The following DNAL1 variants were observed in gnomAD, a reference collection of about 807,000 sequenced individuals.
DNAL1 encodes chromosome 14 open reading frame 168.
A neutral mutation model predicts 29.4 loss-of-function variants in DNAL1; 17 were observed. The observed-to-expected ratio is 0.58, with a 90% confidence interval of 0.40 to 0.87. The LOEUF (loss-of-function observed/expected upper bound fraction) is 0.87, where lower values mean the gene tolerates loss of function less well. Among genes scored for constraint, DNAL1 ranks in the 40% least tolerant of loss-of-function variants. The pLI is 0.00. For synonymous variants in DNAL1, 78 were observed against 76.3 expected, an observed-to-expected ratio of 1.02 and a Z score of -0.12; for missense variants, 188 against 214.1, an observed-to-expected ratio of 0.88 and a Z score of 0.76.
In DNAL1 at chr14:73,658,863, A is replaced by G. The variant is rs772287450; in HGVS notation, c.59A>G (p.Gln20Arg). 5 of 1,604,518 alleles carry G rather than the reference A, an allele frequency of 3.1e-6. No individual in the cohort carries two copies. Among genetic ancestry groups the G allele is most frequent in the Admixed American group, 1.7e-5 (1 of 59,018 alleles). Residue 20 changes from glutamine (Q) to arginine (R), a missense_variant, in exon 3 of 8, where the codon CAG becomes CGG. Coordinates refer to ENST00000553645, the MANE Select transcript of DNAL1 (RefSeq NM_031427.4). Reference sequence around the variant, plus strand: ...TTCTCATAGGAAGAGAAAACTGGCCAGAGGCCATCTGAAGCCAAAGAGATA... The same window carrying G: ...TTCTCATAGGAAGAGAAAACTGGCCGGAGGCCATCTGAAGCCAAAGAGATA... ...ALARWEEKTG[Q>R]RPSEAKEIKL...
chr14:73,659,161 ATTTTT>A (rs10547955), intron 3 of DNAL1, among the ~76,000 whole-genome samples: 4 of 140,842 alleles, frequency 2.8e-5, no homozygotes, highest in Non-Finnish European at 6.1e-5. Context: ...GTATAGTACA[ATTTTT>A]TTTTTTTTTT....
At chr14:73,669,984 TACAC>T (rs35574600) in intron 4 of DNAL1, among the ~76,000 whole-genome samples, 2 of 150,834 alleles carry the variant, frequency 1.3e-5, no homozygotes, top group Admixed American at 6.6e-5. Flanking sequence ...CACACACACA[TACAC>T]ACACACACAC....
chr14:73,701,150 C>G lies in DNAL1; in HGVS notation c.*5208C>G, dbSNP rs1892427395. On this transcript the variant is annotated 3_prime_UTR_variant, in exon 8 of 8. Coordinates refer to ENST00000553645, the MANE Select transcript of DNAL1 (RefSeq NM_031427.4). Reference sequence around the variant, plus strand: ...TCATTAACTGGATTCTAGTTAATTTCCCATATTGGGCAGTTTAGAGGAGAC... The same window carrying G: ...TCATTAACTGGATTCTAGTTAATTTGCCATATTGGGCAGTTTAGAGGAGAC... 6.6e-6 allele frequency: 1 copy of G among 152,266 alleles called. No homozygotes were observed. The highest frequency in any genetic ancestry group is 6.5e-5 in the Admixed American group (1 of 15,298). 9.4% of individuals were successfully genotyped at this position (152,266 alleles called of 1,614,324 possible).
At chr14:73,647,487 TTAA>T (rs1395415158) in intron 1 of DNAL1, among the ~76,000 whole-genome samples, 2 of 152,228 alleles carry the variant, frequency 1.3e-5, no homozygotes, top group Non-Finnish European at 2.9e-5. Context: ...CTTTTCTTAC[TTAA>T]TGATACATAA....
intron 1 of DNAL1, among the ~76,000 whole-genome samples, chr14:73,651,935 G>T (rs1396060321): frequency 1.3e-5 from 2 of 152,144 alleles, no homozygotes; most frequent in Non-Finnish European, 2.9e-5. Context: ...AGGATTACAG[G>T]CGTGAGCCAC....
At chr14:73,660,149 C>CAA (rs1891311438) in intron 3 of DNAL1, among the ~76,000 whole-genome samples, 5 of 152,018 alleles carry the variant, frequency 3.3e-5, no homozygotes, top group African/African-American at 1.2e-4. Flanking sequence ...AGGCTGGTCT[C>CAA]GAACTCCTGA....
chr14:73,690,790 T>C (rs1389872735), intron 7 of DNAL1, among the ~76,000 whole-genome samples: 3 of 152,094 alleles, frequency 2.0e-5, no homozygotes, highest in African/African-American at 4.8e-5. Context: ...TAAAGAAAGT[T>C]AGGCTTATTC....
rs886336873 is a variant in DNAL1 at position 73,699,290 on chromosome 14, G to C, written c.*3348G>C. The C allele has an allele frequency of 6.6e-6, 1 of 151,622 alleles. No homozygotes were observed. The highest frequency in any genetic ancestry group is 2.4e-5 in the African/African-American group (1 of 41,156). 9.4% of individuals were successfully genotyped at this position (151,622 alleles called of 1,614,324 possible). A position where few individuals can be genotyped will look rare whatever the true frequency, so the allele number is the denominator to read the frequency against. ...CATGGATGGAAAGAAATGGTCACTG[G>C]TATTTTTTGTAATGCTCATTTTTTT... On this transcript the variant is annotated 3_prime_UTR_variant, in exon 8 of 8. Coordinates refer to ENST00000553645, the MANE Select transcript of DNAL1 (RefSeq NM_031427.4).
chr14:73,672,451 C>CA (rs1415036003), intron 5 of DNAL1, among the ~76,000 whole-genome samples: 3 of 151,132 alleles, frequency 2.0e-5, no homozygotes, highest in Non-Finnish European at 4.4e-5. Context: ...TAAAAAAATA[C>CA]AAAAAAACTA....
In DNAL1 at chr14:73,671,576, CATA is replaced by C. The variant is rs774197875; in HGVS notation, c.245_247del (p.Ile82del). ...GGATATTATCTTTAGGAAGAAACAACATAAAGAACTTAAATGGACTGGTAGGTT... is the reference window on the plus strand; with the variant it reads ...GGATATTATCTTTAGGAAGAAACAACAAGAACTTAAATGGACTGGTAGGTT... On this transcript the variant is annotated inframe_deletion, in exon 5 of 8. Coordinates refer to ENST00000553645, the MANE Select transcript of DNAL1 (RefSeq NM_031427.4). 1.3e-6 allele frequency: 2 copies of C among 1,489,274 alleles called. No individual in the cohort carries two copies. The highest frequency in any genetic ancestry group is 1.8e-6 in the Non-Finnish European group (2 of 1,113,500). 92.3% of individuals were successfully genotyped at this position (1,489,274 alleles called of 1,614,324 possible). A position where few individuals can be genotyped will look rare whatever the true frequency, so the allele number is the denominator to read the frequency against.
chr14:73,681,605 CAAAAAAAAAAAA>C (rs71112792), intron 5 of DNAL1, among the ~76,000 whole-genome samples: 8 of 52,858 alleles, frequency 1.5e-4, no homozygotes, highest in Admixed American at 5.8e-4. Context: ...CCATCTCTAC[CAAAAAAAAAAAA>C]AAAAAAAAAA....
intron 3 of DNAL1, chr14:73,659,417 C>T (rs1406174500): frequency 6.6e-6 from 1 of 151,770 alleles, no homozygotes; most frequent in Admixed American, 6.6e-5. Context: ...CCACCTCGGC[C>T]TCCCAAAGTG....
At chr14:73,657,740 C>T (rs1010283772) in intron 2 of DNAL1, among the ~76,000 whole-genome samples, 3 of 152,118 alleles carry the variant, frequency 2.0e-5, no homozygotes, top group African/African-American at 7.2e-5. Flanking sequence ...ATTACAGGCA[C>T]GTGCCACCAC....
At chr14:73,654,696 T>G (rs983530848) in intron 1 of DNAL1, 151 bp from the exon 2 acceptor site, 1 of 588,666 alleles carries the variant, frequency 1.7e-6, no homozygotes, top group African/African-American at 1.9e-5. Context: ...GAGGCAGAGG[T>G]TGTGGTGAGC....
rs1404619001 is a variant in DNAL1 at position 73,654,784 on chromosome 14, ACATACATT to A, written c.4-55_4-48del. Reference sequence around the variant, plus strand: ...AAAATAAATACATACATACATACATACATACATTCATACATACATACAACTTTGTTTTT... The same window carrying A: ...AAAATAAATACATACATACATACATACATACATACATACAACTTTGTTTTT... On this transcript the variant is annotated intron_variant, in intron 1 of 7. Coordinates refer to ENST00000553645, the MANE Select transcript of DNAL1 (RefSeq NM_031427.4). The A allele has an allele frequency of 5.0e-6, 7 of 1,408,772 alleles. No homozygotes were observed. In the African/African-American group the frequency reaches 8.8e-5, roughly 18 times the overall value. The allele number at this position is 1,408,772 out of a possible 1,614,324, so 87.3% of individuals were successfully genotyped here.
At chr14:73,676,225 G>C (rs1173601785) in intron 5 of DNAL1, among the ~76,000 whole-genome samples, 1 of 147,390 alleles carries the variant, frequency 6.8e-6, no homozygotes, top group Non-Finnish European at 1.5e-5. Context: ...CAGAGCAAGA[G>C]ACTGTCTCAA....
chr14:73,652,148 G>C (rs914540145), intron 1 of DNAL1, among the ~76,000 whole-genome samples: 1 of 151,952 alleles, frequency 6.6e-6, no homozygotes, highest in Non-Finnish European at 1.5e-5. Flanking sequence ...TGGTCCTCCC[G>C]CCTCAGCCCC....
intron 5 of DNAL1, among the ~76,000 whole-genome samples, chr14:73,676,036 TAATAA>T (rs939716838): frequency 1.3e-5 from 2 of 151,176 alleles, no homozygotes; most frequent in African/African-American, 4.9e-5. Context: ...AATAAGTAAA[TAATAA>T]AATAAAATAT....
At position 73,696,202 on chromosome 14, in the gene DNAL1, T is replaced by C. The variant is rs2061994880; in HGVS notation, c.*260T>C. On this transcript the variant is annotated 3_prime_UTR_variant, in exon 8 of 8. Coordinates refer to ENST00000553645, the MANE Select transcript of DNAL1 (RefSeq NM_031427.4). ...TTTGTCTTCAGTCTCAGTTACGTAC[T>C]GTGTAGCCCCATCTACTAAAACAAA... The C allele has an allele frequency of 3.6e-6, 1 of 280,384 alleles. No homozygotes were observed. Among genetic ancestry groups the C allele is most frequent in the African/African-American group, 2.2e-5 (1 of 45,550 alleles). 17.4% of individuals were successfully genotyped at this position (280,384 alleles called of 1,614,324 possible). A position where few individuals can be genotyped will look rare whatever the true frequency, so the allele number is the denominator to read the frequency against.
Sources: gnomAD v4.1 joint callset for allele counts (sites outside exome capture counted in the v4.1 genomes callset) on GRCh38, gnomAD v4.1.1 for gene constraint, MANE v1.5 for transcripts, NCBI Gene and HGNC (gene_info 2026-07-23, HGNC 2026-07-21) for gene names.